The following WNK4 variants were observed in gnomAD, a reference collection of about 807,000 sequenced individuals.
The protein encoded by WNK4 is serine/threonine-protein kinase WNK4.
WNK4 carries 94 observed loss-of-function variants against 116.2 expected under a neutral mutation model. That is an observed-to-expected ratio of 0.81 (90% confidence interval 0.68 to 0.96). The LOEUF is 0.96. Among genes scored for constraint, WNK4 ranks in the 40% least tolerant of loss-of-function variants. The probability of loss-of-function intolerance (pLI) is 0.00; values close to 1 mark genes in which losing one functional copy is unlikely to be tolerated. For synonymous variants in WNK4, 655 were observed against 672.7 expected, an observed-to-expected ratio of 0.97 and a Z score of 0.41; for missense variants, 1,542 against 1,650.6, an observed-to-expected ratio of 0.93 and a Z score of 1.14.
chr17:42,782,737 C>T lies in WNK4; in HGVS notation c.619-21C>T. ...TGTGGGTGTCCTGGGCCTGACATGA[C>T]ACCCGTCCCCCATCCCACAGACTCG... On this transcript the variant is annotated intron_variant, in intron 1 of 18. Coordinates refer to ENST00000246914, the MANE Select transcript of WNK4 (RefSeq NM_032387.5). This position sits in a 1 kb window ranked among gnomAD's most constrained non-coding sequence, Gnocchi z 4.2. 1 of 1,613,820 alleles carries T rather than the reference C, an allele frequency of 6.2e-7. No individual in the cohort carries two copies. Among genetic ancestry groups the T allele is most frequent in the Non-Finnish European group, 8.5e-7 (1 of 1,180,000 alleles).
In WNK4 at chr17:42,782,958, AGAG is replaced by A. The variant is rs1246003206; in HGVS notation, c.791+30_791+32del. On this transcript the variant is annotated intron_variant, in intron 2 of 18. Coordinates refer to ENST00000246914, the MANE Select transcript of WNK4 (RefSeq NM_032387.5). The surrounding 1 kb of genome is among the most constrained non-coding windows in gnomAD (Gnocchi z 4.2). ...GAGCTCTGCGCATGAGTGGGTGGGGAGAGGGAGGCTGGGATGTGTGCCCACTGC... is the reference window on the plus strand; with the variant it reads ...GAGCTCTGCGCATGAGTGGGTGGGGAGGAGGCTGGGATGTGTGCCCACTGC... The A allele has an allele frequency of 2.5e-6, 4 of 1,611,770 alleles. No homozygotes were observed. The highest frequency in any genetic ancestry group is 3.4e-6 in the Non-Finnish European group (4 of 1,179,172).
In WNK4 at chr17:42,790,151, G is replaced by A. The variant is rs140777241; in HGVS notation, c.2157+1354G>A. On this transcript the variant is annotated intron_variant, in intron 11 of 18. Coordinates refer to ENST00000246914, the MANE Select transcript of WNK4 (RefSeq NM_032387.5). ...AAGCCATCTGTGGACAAAGGAGAGAGTGGCTTATGGGAGGGAAGAGGAGAA... is the reference window on the plus strand; with the variant it reads ...AAGCCATCTGTGGACAAAGGAGAGAATGGCTTATGGGAGGGAAGAGGAGAA... Among the ~76,000 whole-genome samples the A allele has an allele frequency of 2.6e-4, 40 of 152,318 alleles. No homozygotes were observed. The East Asian group carries it at 7.7e-3, about 29-fold the overall frequency.
At chr17:42,783,840 GGCA>G in intron 2 of WNK4, 94 bp from the exon 3 acceptor site, 1 of 1,178,066 alleles carries the variant, frequency 8.5e-7, no homozygotes, top group Non-Finnish European at 1.2e-6. Context: ...ATGCGGAGGC[GGCA>G]GCAGGGTGCG....
In WNK4 at chr17:42,794,581, C is replaced by T. The variant is rs2054641323; in HGVS notation, c.2296-33C>T. ...CCTTCCATCTCAGACTGCTCTTCCC[C>T]ACTGTGACTGCGGACTCCTTTTTCT... On this transcript the variant is annotated intron_variant, in intron 12 of 18. Transcript: ENST00000246914. 3.7e-6 allele frequency: 6 copies of T among 1,612,818 alleles called. No individual in the cohort carries two copies. The Admixed American group carries it at 5.0e-5, about 13-fold the overall frequency.
Position 42,784,710 on chromosome 17 carries a change from CAGA to C in WNK4, c.1170+134_1170+136del. 8.3e-7 allele frequency: 1 copy of C among 1,211,524 alleles called. No individual in the cohort carries two copies. Among genetic ancestry groups the C allele is most frequent in the South Asian group, 1.3e-5 (1 of 76,390 alleles). 75.0% of individuals were successfully genotyped at this position (1,211,524 alleles called of 1,614,324 possible). Reference sequence around the variant, plus strand: ...AGACACAGAGTCGCCTTGGTGAACACAGAAGGATATTGAGTGCACACGCGCCCC... The same window carrying C: ...AGACACAGAGTCGCCTTGGTGAACACAGGATATTGAGTGCACACGCGCCCC... On this transcript the variant is annotated intron_variant, in intron 4 of 18. Coordinates refer to ENST00000246914, the MANE Select transcript of WNK4 (RefSeq NM_032387.5). The surrounding 1 kb of genome is among the most constrained non-coding windows in gnomAD (Gnocchi z 4.4).
intron 7 of WNK4, 85 bp downstream of exon 7, chr17:42,787,627 A>G: frequency 6.3e-7 from 1 of 1,595,288 alleles, no homozygotes; most frequent in Non-Finnish European, 8.5e-7. Flanking sequence ...CACAGCAGTC[A>G]CTTACCCTGC....
In WNK4 at chr17:42,784,669, T is replaced by A. The variant is rs1484786350; in HGVS notation, c.1170+90T>A. ...CAGCCCGCAGTCAATGCCCTTTGCCTGCACGAAAACAGGCTAGACACAGAG... is the reference window on the plus strand; with the variant it reads ...CAGCCCGCAGTCAATGCCCTTTGCCAGCACGAAAACAGGCTAGACACAGAG... On this transcript the variant is annotated intron_variant, in intron 4 of 18. Coordinates refer to ENST00000246914, the MANE Select transcript of WNK4 (RefSeq NM_032387.5). This position sits in a 1 kb window ranked among gnomAD's most constrained non-coding sequence, Gnocchi z 4.4. The A allele has an allele frequency of 6.5e-7, 1 of 1,549,718 alleles. No individual in the cohort carries two copies. The highest frequency in any genetic ancestry group is 8.8e-7 in the Non-Finnish European group (1 of 1,138,506).
chr17:42,788,335 G>A lies in WNK4; in HGVS notation c.1968G>A (p.Gly656=). The A allele has an allele frequency of 6.2e-7, 1 of 1,614,062 alleles. No homozygotes were observed. Among genetic ancestry groups the A allele is most frequent in the Non-Finnish European group, 8.5e-7 (1 of 1,180,026 alleles). ...CAGGCCTTAGCGATGTGGGAGAAGG[G>A]ATGGGACAAATGAGGAGACCCCCAG... ...AASGLSDVGE[G]MGQMRRPPGR... Residue 656 remains glycine, a synonymous_variant, in exon 10 of 19, where the codon GGG becomes GGA. Transcript: ENST00000246914.
chr17:42,795,126 G>C lies in WNK4; in HGVS notation c.2705G>C (p.Ser902Thr). ...FSPTCSQVTL[S>T]SPFFPPCPST... ...CCCACTTGTTCTCAGGTCACTCTTA[G>C]TTCCCCTTTCTTTCCTCCGTGCCCC... is the stretch of plus-strand genomic sequence containing the variant. The change falls in exon 14 of 19, where the codon AGT (serine) becomes ACT (threonine). Residue 902 changes from serine (S) to threonine (T), a missense_variant. Ser to Thr is a moderately conservative substitution (Grantham distance 58, BLOSUM62 1). This residue lies in a region of WNK4 where 292 missense variants were observed against 290.1 expected (regional missense o/e 1.01). Coordinates refer to ENST00000246914, the MANE Select transcript of WNK4 (RefSeq NM_032387.5). The C allele has an allele frequency of 6.2e-7, 1 of 1,613,874 alleles. No individual in the cohort carries two copies. The highest frequency in any genetic ancestry group is 8.5e-7 in the Non-Finnish European group (1 of 1,179,964).
intron 2 of WNK4, 59 bp from the exon 3 acceptor site, chr17:42,783,878 G>A: frequency 6.6e-7 from 1 of 1,518,246 alleles, no homozygotes; most frequent in Non-Finnish European, 9.0e-7. Context: ...CCCAGTGGGG[G>A]GCTCCTTCCC....
At chr17:42,788,460 T>G in intron 10 of WNK4, 53 bp downstream of exon 10, 8 of 1,553,576 alleles carry the variant, frequency 5.1e-6, no homozygotes, top group South Asian at 1.1e-5. Flanking sequence ...AGGAGGGAAG[T>G]GTCAGGGGGA....
In WNK4 at chr17:42,795,283, A is replaced by G; in HGVS notation, c.2862A>G (p.Pro954=). Residue 954 remains proline, a synonymous_variant, in exon 14 of 19, where the codon CCA becomes CCG. Coordinates refer to ENST00000246914, the MANE Select transcript of WNK4 (RefSeq NM_032387.5). ...PSPGLLSQSP[P]APPSPLPSLP... ...CTGGGCTCCTTTCCCAGTCTCCTCC[A>G]GCCCCTCCTAGTCCCCTCCCTAGCC... is the stretch of plus-strand genomic sequence containing the variant. 6.2e-7 allele frequency: 1 copy of G among 1,612,800 alleles called. No homozygotes were observed. The highest frequency in any genetic ancestry group is 1.1e-5 in the South Asian group (1 of 91,002).
Position 42,784,965 on chromosome 17 carries a change from C to A in WNK4, c.1171-132C>A. On this transcript the variant is annotated intron_variant, in intron 4 of 18. Coordinates refer to ENST00000246914, the MANE Select transcript of WNK4 (RefSeq NM_032387.5). This position sits in a 1 kb window ranked among gnomAD's most constrained non-coding sequence, Gnocchi z 4.4. ...GGATTAGGATTTGAAATCACATCTT[C>A]CAGTAGCAGTCAGGCTTTTGCAACT... The A allele has an allele frequency of 1.2e-6, 1 of 834,818 alleles. No individual in the cohort carries two copies. Among genetic ancestry groups the A allele is most frequent in the Non-Finnish European group, 2.0e-6 (1 of 508,082 alleles). 51.7% of individuals were successfully genotyped at this position (834,818 alleles called of 1,614,324 possible). A position where few individuals can be genotyped will look rare whatever the true frequency, so the allele number is the denominator to read the frequency against.
At position 42,784,319 on chromosome 17, in the gene WNK4, C is replaced by A; in HGVS notation, c.1013-103C>A. ...GCACCCACCTCAACCCCACTGTGGGCCGGGGTCACTTGCACTCGCAGGGTT... is the reference window on the plus strand; with the variant it reads ...GCACCCACCTCAACCCCACTGTGGGACGGGGTCACTTGCACTCGCAGGGTT... On this transcript the variant is annotated intron_variant, in intron 3 of 18. Transcript: ENST00000246914. The surrounding 1 kb of genome is among the most constrained non-coding windows in gnomAD (Gnocchi z 4.4). The A allele has an allele frequency of 6.5e-7, 1 of 1,549,640 alleles. No homozygotes were observed. The highest frequency in any genetic ancestry group is 1.4e-5 in the African/African-American group (1 of 73,226).
In WNK4 at chr17:42,795,672, G is replaced by A. The variant is rs776371854; in HGVS notation, c.3070G>A (p.Glu1024Lys). The A allele has an allele frequency of 2.5e-6, 4 of 1,613,010 alleles. No homozygotes were observed. In the African/African-American group the frequency reaches 4.0e-5, roughly 16 times the overall value. Reference sequence around the variant, plus strand: ...GCGTTTCCAAGTGACTTCATCCAAGGAACCGGCTGAGCCTCTTCCCTTGCA... The same window carrying A: ...GCGTTTCCAAGTGACTTCATCCAAGAAACCGGCTGAGCCTCTTCCCTTGCA... Reference protein sequence around the residue: ...VGRFQVTSSKEPAEPLPLQPT... With the variant: ...VGRFQVTSSKKPAEPLPLQPT... The change falls in exon 16 of 19, where the codon GAA (glutamate) becomes AAA (lysine). Residue 1024 changes from glutamate to lysine, a missense_variant. Transcript: ENST00000246914.
chr17:42,793,398 T>C (rs1037560716), intron 11 of WNK4, among the ~76,000 whole-genome samples, 194 bp from the exon 12 acceptor site: 10 of 151,906 alleles, frequency 6.6e-5, no homozygotes, highest in African/African-American at 2.4e-4. Flanking sequence ...TTAGTAGAGA[T>C]AGGGTATCAC....
rs146556309 is a variant in WNK4, at chr17:42,784,023, C to G, written c.878C>G (p.Ser293Cys). The change falls in exon 3 of 19, where the codon TCC (serine) becomes TGC (cysteine). Residue 293 changes from serine (S) to cysteine (C), a missense_variant. Ser to Cys is a moderately radical substitution (Grantham distance 112). Around this residue, in one of 7 missense-constraint regions of WNK4, gnomAD observed 808 missense variants for 873.6 expected, o/e 0.92. Transcript: ENST00000246914. The surrounding 1 kb of genome is among the most constrained non-coding windows in gnomAD (Gnocchi z 4.4). ...CTGCGGGGACTTCATTTCCTACACT[C>G]CCGGGTTCCTCCCATCCTGCACCGG... ...QILRGLHFLH[S>C]RVPPILHRDL... 13 of 1,613,996 alleles carry G rather than the reference C, an allele frequency of 8.1e-6. No individual in the cohort carries two copies. The African/African-American group carries it at 1.5e-4, about 18-fold the overall frequency.
intron 12 of WNK4, 114 bp from the exon 13 acceptor site, chr17:42,794,500 T>G: frequency 3.6e-6 from 4 of 1,119,378 alleles, no homozygotes; most frequent in Middle Eastern, 2.8e-4. Context: ...CCCTTGAAAC[T>G]CATGTACAGA....
At chr17:42,785,029 T>TG (rs2054529348) in intron 4 of WNK4, 68 bp from the exon 5 acceptor site, 3 of 1,401,490 alleles carry the variant, frequency 2.1e-6, no homozygotes, top group African/African-American at 2.0e-5. Context: ...GAGTAAGGGG[T>TG]GGGGGGTGGT....
Sources: gnomAD v4.1 joint callset for allele counts (sites outside exome capture counted in the v4.1 genomes callset) on GRCh38, gnomAD v4.1.1 for gene constraint, gnomAD v4.1.1 regional missense constraint, Gnocchi (gnomAD v3.1) non-coding constraint, MANE v1.5 for transcripts, NCBI Gene and HGNC (gene_info 2026-07-23, HGNC 2026-07-21) for gene names.